Variants in DOCK1 observed in about 807,000 individuals in gnomAD.
DOCK1 encodes dedicator of cytokinesis 1.
A neutral mutation model predicts 262.7 loss-of-function variants in DOCK1; 138 were observed. The ratio of observed to expected loss-of-function variants is 0.53; its 90% confidence interval spans 0.46 to 0.61. The LOEUF (loss-of-function observed/expected upper bound fraction) is 0.61. Among genes scored for constraint, DOCK1 ranks in the 20% least tolerant of loss-of-function variants. The pLI is 0.00. For missense variants in DOCK1, 1,908 were observed against 2,370.7 expected, an observed-to-expected ratio of 0.80 and a Z score of 4.05; for synonymous variants, 866 against 867.4, an observed-to-expected ratio of 1.00 and a Z score of 0.03.
intron 29 of DOCK1, among the ~76,000 whole-genome samples, chr10:127,300,926 G>A (rs541398710): frequency 6.6e-6 from 1 of 152,308 alleles, no homozygotes; most frequent in South Asian, 2.1e-4. Context: ...GCCGGCAGCC[G>A]GGAGGGCTGG....
At chr10:127,017,926 C>T (rs536825407) in intron 12 of DOCK1, among the ~76,000 whole-genome samples, 2 of 152,298 alleles carry the variant, frequency 1.3e-5, no homozygotes, top group Admixed American at 6.5e-5. Context: ...AGTATTTATA[C>T]AAACCACAGT....
chr10:127,309,829 A>T (rs1466771166), intron 29 of DOCK1, among the ~76,000 whole-genome samples: 1 of 151,990 alleles, frequency 6.6e-6, no homozygotes, highest in Admixed American at 6.6e-5. Flanking sequence ...TCACAACACT[A>T]AACAATTCCC....
chr10:127,281,654 G>A (rs2060966427), intron 29 of DOCK1, among the ~76,000 whole-genome samples: 1 of 152,148 alleles, frequency 6.6e-6, no homozygotes, highest in Non-Finnish European at 1.5e-5. Flanking sequence ...TTGCTGCAGG[G>A]AGACCCCAGG....
At chr10:127,333,433 A>G (rs1355188687) in intron 29 of DOCK1, among the ~76,000 whole-genome samples, 1 of 152,216 alleles carries the variant, frequency 6.6e-6, no homozygotes, top group Admixed American at 6.5e-5. Context: ...GCAAGGGCCT[A>G]TAATTGTGCC....
At chr10:127,262,964 AACCCCAGAGCATCC>A (rs947953276) in intron 29 of DOCK1, among the ~76,000 whole-genome samples, 6 of 152,156 alleles carry the variant, frequency 3.9e-5, no homozygotes, top group African/African-American at 1.4e-4. Context: ...GCCAAAATTT[AACCCCAGAGCATCC>A]ACCCCAGAGC....
intron 47 of DOCK1, among the ~76,000 whole-genome samples, chr10:127,428,627 G>A (rs1334032681): frequency 1.4e-4 from 21 of 151,338 alleles, no homozygotes; most frequent in Non-Finnish European, 2.8e-4. Context: ...GTGGATTGGG[G>A]TGTCATGTGG....
chr10:127,302,741 G>GTGTGTGTGTGTGTGT (rs1554944046), intron 29 of DOCK1, among the ~76,000 whole-genome samples: 4 of 108,136 alleles, frequency 3.7e-5, no homozygotes, highest in African/African-American at 9.0e-5. Context: ...GAAAAGAGGG[G>GTGTGTGTGTGTGTGT]GTGTGTGTGT....
At chr10:127,108,273 G>A (rs1039228699) in intron 24 of DOCK1, among the ~76,000 whole-genome samples, 27 of 152,020 alleles carry the variant, frequency 1.8e-4, no homozygotes, top group African/African-American at 6.3e-4. Flanking sequence ...ACACACATAC[G>A]TACACACACA....
intron 27 of DOCK1, among the ~76,000 whole-genome samples, chr10:127,206,534 C>T (rs2057732816): frequency 6.6e-6 from 1 of 152,160 alleles, no homozygotes; most frequent in Admixed American, 6.6e-5. Context: ...TGGATTTCTG[C>T]ACATGTTCCT....
At chr10:127,043,279 T>A in intron 21 of DOCK1, 115 bp downstream of exon 21, 1 of 786,620 alleles carries the variant, frequency 1.3e-6, no homozygotes, top group Non-Finnish European at 2.1e-6. Context: ...CTCAAAACTC[T>A]GAGTTTACTG....
chr10:126,992,756 A>T (rs1407526189), intron 6 of DOCK1, among the ~76,000 whole-genome samples: 1 of 144,504 alleles, frequency 6.9e-6, no homozygotes, highest in Non-Finnish European at 1.5e-5. Flanking sequence ...ACACACACAC[A>T]CACACACAGA....
At chr10:127,064,380 C>T (rs1276577971) in intron 23 of DOCK1, among the ~76,000 whole-genome samples, 1 of 152,162 alleles carries the variant, frequency 6.6e-6, no homozygotes, top group Non-Finnish European at 1.5e-5. Flanking sequence ...TTTTACGCCT[C>T]ATTGAAGAGG....
At chr10:127,133,363 T>C (rs1309109533) in intron 27 of DOCK1, among the ~76,000 whole-genome samples, 6 of 152,210 alleles carry the variant, frequency 3.9e-5, no homozygotes, top group African/African-American at 1.4e-4. Flanking sequence ...TTAAAAATGA[T>C]TTTAAAATCA....
At chr10:127,339,695 T>G (rs796123618) in intron 30 of DOCK1, among the ~76,000 whole-genome samples, 124 of 109,810 alleles carry the variant, frequency 1.1e-3, no homozygotes, top group African/African-American at 1.9e-3. Context: ...CTGGCCTGAT[T>G]TGTGTGTGTG....
intron 29 of DOCK1, among the ~76,000 whole-genome samples, chr10:127,306,474 G>T (rs1303508716): frequency 6.6e-6 from 1 of 152,150 alleles, no homozygotes; most frequent in African/African-American, 2.4e-5. Flanking sequence ...CTTGGCTCCT[G>T]CATTTAGGAG....
chr10:127,431,687 G>A (rs537227608), intron 47 of DOCK1, among the ~76,000 whole-genome samples: 17 of 152,328 alleles, frequency 1.1e-4, no homozygotes, highest in Admixed American at 2.0e-4. Context: ...GGCCCCTGGC[G>A]TGGTTGTGTA....
At chr10:126,936,671 A>C (rs2034578508) in intron 1 of DOCK1, among the ~76,000 whole-genome samples, 1 of 152,250 alleles carries the variant, frequency 6.6e-6, no homozygotes, top group Non-Finnish European at 1.5e-5. Flanking sequence ...AATGCAAAAC[A>C]TTAGTGTAAA....
intron 2 of DOCK1, among the ~76,000 whole-genome samples, chr10:126,976,375 C>T (rs1282753573): frequency 6.6e-6 from 1 of 152,168 alleles, no homozygotes; most frequent in Non-Finnish European, 1.5e-5. Flanking sequence ...TTAGCAAAAC[C>T]TTTGCCAGAG....
chr10:127,114,594 G>A (rs970172036), intron 25 of DOCK1, among the ~76,000 whole-genome samples: 2 of 151,562 alleles, frequency 1.3e-5, no homozygotes, highest in Non-Finnish European at 2.9e-5. Flanking sequence ...TAGGAGGGGG[G>A]TGCAGTTCAG....
Sources: gnomAD v4.1 joint callset for allele counts (sites outside exome capture counted in the v4.1 genomes callset) on GRCh38, gnomAD v4.1.1 for gene constraint, MANE v1.5 for transcripts, NCBI Gene and HGNC (gene_info 2026-07-23, HGNC 2026-07-21) for gene names.